Variants in FBXO15 observed in about 807,000 individuals in gnomAD.
The protein encoded by FBXO15 is F-box only protein 15.
Under a neutral mutation model 49.5 loss-of-function variants are expected in FBXO15, and 30 were observed. The ratio of observed to expected loss-of-function variants is 0.61; its 90% confidence interval spans 0.45 to 0.82. The LOEUF (loss-of-function observed/expected upper bound fraction) is 0.82, where lower values mean the gene tolerates loss of function less well. Among genes scored for constraint, FBXO15 ranks in the 40% least tolerant of loss-of-function variants. The pLI, the probability that FBXO15 is intolerant of heterozygous loss-of-function variation, is 0.00. For synonymous variants in FBXO15, 250 were observed against 232.7 expected (o/e 1.07, Z -0.68); for missense variants, 591 against 631.5 (o/e 0.94, Z 0.69).
Position 74,129,407 on chromosome 18 carries a change from A to G in FBXO15, c.783T>C (p.His261=). 3.1e-6 allele frequency: 5 copies of G among 1,613,666 alleles called. No individual in the cohort carries two copies. Among genetic ancestry groups the G allele is most frequent in the Non-Finnish European group, 4.2e-6 (5 of 1,179,682 alleles). Residue 261 remains histidine (H), a splice_region_variant and synonymous_variant, in exon 5 of 10, where the codon CAT becomes CAC. Coordinates refer to ENST00000419743, the MANE Select transcript of FBXO15 (RefSeq NM_001142958.2). The part of the protein sequence containing the change: ...FTDWYKTPTK[H]RLRWHSLIAK... ...CAGTTCTGCTGATTGGTACTTACCTATGTTTGGTGGGAGTTTTATACCAGT... is the reference window on the plus strand; with the variant it reads ...CAGTTCTGCTGATTGGTACTTACCTGTGTTTGGTGGGAGTTTTATACCAGT...
chr18:74,137,839 T>C (rs1978816302), intron 2 of FBXO15, among the ~76,000 whole-genome samples: 1 of 152,180 alleles, frequency 6.6e-6, no homozygotes, highest in South Asian at 2.1e-4. Context: ...AGAATGTTAA[T>C]TTGTGCGTGT....
At chr18:74,126,208 T>A (rs1599175562) in intron 5 of FBXO15, 107 bp from the exon 6 acceptor site, 3 of 1,449,454 alleles carry the variant, frequency 2.1e-6, no homozygotes, top group Non-Finnish European at 2.8e-6. Flanking sequence ...AGCATGTTAA[T>A]GATGTGCTCA....
chr18:74,073,636 G>C lies in FBXO15; in HGVS notation c.1358C>G (p.Pro453Arg), dbSNP rs1912129707. 2 of 1,614,170 alleles carry C rather than the reference G, an allele frequency of 1.2e-6. No homozygotes were observed. Among genetic ancestry groups the C allele is most frequent in the South Asian group, 1.1e-5 (1 of 91,082 alleles). The change falls in exon 10 of 10, where the codon CCC becomes CGC. Residue 453 changes from proline to arginine, a missense_variant. Coordinates refer to ENST00000419743, the MANE Select transcript of FBXO15 (RefSeq NM_001142958.2). ...SPVCLRSPATPSDSSSFLGQT... is the reference protein window; with the variant it reads ...SPVCLRSPATRSDSSSFLGQT... ...TCCCAAGAAGCTAGAGCTGTCAGAG[G>C]GTGTGGCAGGCGATCTCAGGCACAC...
intron 4 of FBXO15, among the ~76,000 whole-genome samples, chr18:74,130,022 A>G (rs1353060490): frequency 1.3e-5 from 2 of 152,232 alleles, no homozygotes; most frequent in East Asian, 1.9e-4. Flanking sequence ...TGGACGTTCA[A>G]GTCCCTTATA....
chr18:74,085,283 T>A (rs1187017601), intron 8 of FBXO15, among the ~76,000 whole-genome samples: 1 of 151,668 alleles, frequency 6.6e-6, no homozygotes, highest in African/African-American at 2.4e-5. Flanking sequence ...ATCAAGACAG[T>A]GTGGGATTAT....
At chr18:74,103,146 T>A (rs1009632967) in intron 8 of FBXO15, among the ~76,000 whole-genome samples, 2 of 151,894 alleles carry the variant, frequency 1.3e-5, no homozygotes, top group African/African-American at 4.8e-5. Context: ...CAGAAATGTA[T>A]CAGAGAAATT....
chr18:74,138,809 T>C (rs1027093660), intron 2 of FBXO15, among the ~76,000 whole-genome samples: 1 of 152,230 alleles, frequency 6.6e-6, no homozygotes, highest in Non-Finnish European at 1.5e-5. Context: ...TCTGGATTCC[T>C]ACTTGCCTGT....
At chr18:74,084,571 A>T (rs1912655212) in intron 8 of FBXO15, among the ~76,000 whole-genome samples, 1 of 152,240 alleles carries the variant, frequency 6.6e-6, no homozygotes, top group African/African-American at 2.4e-5. Flanking sequence ...GACTATGAGC[A>T]AGTATAGCCT....
At chr18:74,079,574 A>C (rs1357098512) in intron 9 of FBXO15, among the ~76,000 whole-genome samples, 4 of 151,576 alleles carry the variant, frequency 2.6e-5, no homozygotes, top group African/African-American at 9.8e-5. Context: ...TCATAATATT[A>C]TTGTAATAAT....
intron 8 of FBXO15, chr18:74,122,565 G>C (rs953987902): frequency 4.6e-5 from 7 of 152,172 alleles, no homozygotes; most frequent in African/African-American, 1.7e-4. Context: ...AAGTCCACTA[G>C]ATGAAAGACT....
intron 2 of FBXO15, 102 bp from the exon 3 acceptor site, chr18:74,135,968 C>T (rs1349961922): frequency 2.4e-6 from 2 of 840,640 alleles, no homozygotes; most frequent in Non-Finnish European, 3.7e-6. Context: ...AAATAGAAGG[C>T]CGTAGAGAGA....
At position 74,089,917 on chromosome 18, in the gene FBXO15, G is replaced by A. The variant is rs1041172157; in HGVS notation, c.1139-7866C>T. Among the ~76,000 whole-genome samples the A allele has an allele frequency of 3.9e-5, 6 of 152,266 alleles. No homozygotes were observed. In the East Asian group the frequency reaches 9.7e-4, roughly 25 times the overall value. On this transcript the variant is annotated intron_variant, in intron 8 of 9. Transcript: ENST00000419743. ...CTCTGCCAGGTTTTGGTATCAGGATGATGCTGGCCTCACAGAATGACTTAG... is the reference window on the plus strand; with the variant it reads ...CTCTGCCAGGTTTTGGTATCAGGATAATGCTGGCCTCACAGAATGACTTAG...
chr18:74,110,781 C>T (rs1913989804), intron 8 of FBXO15, among the ~76,000 whole-genome samples: 1 of 152,264 alleles, frequency 6.6e-6, no homozygotes, highest in South Asian at 2.1e-4. Context: ...ACAGAGCATA[C>T]TTCAGAGCAA....
intron 8 of FBXO15, among the ~76,000 whole-genome samples, chr18:74,119,682 C>T (rs984760209): frequency 4.6e-5 from 7 of 152,052 alleles, no homozygotes; most frequent in Non-Finnish European, 4.4e-5. Context: ...TGTGAGGCCA[C>T]AGAAAGCCTG....
At chr18:74,088,976 T>C (rs1912883576) in intron 8 of FBXO15, among the ~76,000 whole-genome samples, 1 of 152,164 alleles carries the variant, frequency 6.6e-6, no homozygotes, top group African/African-American at 2.4e-5. Context: ...ATTTTATTCT[T>C]TTTCTCTTAA....
At chr18:74,124,263 A>ACAACC (rs1408499625) in intron 7 of FBXO15, among the ~76,000 whole-genome samples, 2 of 152,220 alleles carry the variant, frequency 1.3e-5, no homozygotes, top group African/African-American at 4.8e-5. Flanking sequence ...CATACAAATA[A>ACAACC]CAACCTACTA....
intron 8 of FBXO15, among the ~76,000 whole-genome samples, chr18:74,102,298 A>G (rs755854616): frequency 2.6e-5 from 4 of 152,200 alleles, no homozygotes; most frequent in Non-Finnish European, 5.9e-5. Flanking sequence ...GGCTAAGGAT[A>G]TGAATAGATA....
rs1222314236 is a variant in FBXO15, at chr18:74,074,805, C to A, written c.1264-1075G>T. 2.0e-5 allele frequency among the ~76,000 whole-genome samples: 3 copies of A among 152,204 alleles called. No homozygotes were observed. Among genetic ancestry groups the A allele is most frequent in the Non-Finnish European group, 4.4e-5 (3 of 68,038 alleles). On this transcript the variant is annotated intron_variant, in intron 9 of 9. Coordinates refer to ENST00000419743, the MANE Select transcript of FBXO15 (RefSeq NM_001142958.2). The surrounding 1 kb of genome is among the most constrained non-coding windows in gnomAD (Gnocchi z 4.7). ...AATGTGTGGTCTGTATATGCCCATA[C>A]CGCAGTGGATATGTAAAAAGGCCTG...
chr18:74,146,400 G>A (rs887297017), intron 1 of FBXO15, among the ~76,000 whole-genome samples: 1 of 152,164 alleles, frequency 6.6e-6, no homozygotes, highest in Non-Finnish European at 1.5e-5. Flanking sequence ...TCCCATGCCA[G>A]GCATAATGAC....
Sources: allele counts gnomAD v4.1 joint callset (sites outside exome capture counted in the v4.1 genomes callset), GRCh38; gene constraint gnomAD v4.1.1; non-coding constraint Gnocchi (gnomAD v3.1); transcripts MANE v1.5; gene names NCBI Gene and HGNC (gene_info 2026-07-23, HGNC 2026-07-21).